Variants in TAFA5 observed in about 807,000 individuals in gnomAD.
TAFA5 encodes TAFA chemokine like family member 5.
TAFA5 carries 6 observed loss-of-function variants against 15.3 expected under a neutral mutation model. The observed-to-expected ratio is 0.39, with a 90% CI of 0.21 to 0.77. The LOEUF (loss-of-function observed/expected upper bound fraction) is 0.77. Ranked by LOEUF, TAFA5 falls within the 30% of genes least tolerant of loss-of-function variation. The pLI is 0.41. For missense variants in TAFA5, 161 were observed against 193.1 expected, an observed-to-expected ratio of 0.83 and a Z score of 0.98; for synonymous variants, 103 against 80.7, an observed-to-expected ratio of 1.28 and a Z score of -1.48.
At chr22:48,703,842 C>T (rs1181341279) in intron 2 of TAFA5, among the ~76,000 whole-genome samples, 1 of 152,226 alleles carries the variant, frequency 6.6e-6, no homozygotes, top group Non-Finnish European at 1.5e-5. Context: ...TGTGCCAACC[C>T]CACTCCTGCT....
At chr22:48,601,000 A>G (rs1924950128) in intron 1 of TAFA5, among the ~76,000 whole-genome samples, 1 of 152,156 alleles carries the variant, frequency 6.6e-6, no homozygotes, top group Non-Finnish European at 1.5e-5. Flanking sequence ...CTCTCCTCAC[A>G]CAGAGCTGAT....
chr22:48,578,928 G>A (rs925028211), intron 1 of TAFA5, among the ~76,000 whole-genome samples: 4 of 152,222 alleles, frequency 2.6e-5, no homozygotes, highest in Admixed American at 6.5e-5. Context: ...CCCAGCAGCC[G>A]CTGTCCAGCA....
chr22:48,542,555 TGTGTGTGTG>T (rs778090403), intron 1 of TAFA5, among the ~76,000 whole-genome samples: 8,741 of 65,848 alleles, frequency 0.13, 523 homozygotes, highest in African/African-American at 0.17. Flanking sequence ...GTGATGTGTA[TGTGTGTGTG>T]GTGTGTGTGG....
chr22:48,542,529 GGTGTGTGGT>G (rs1298650775), intron 1 of TAFA5, among the ~76,000 whole-genome samples: 3 of 92,348 alleles, frequency 3.2e-5, no homozygotes, highest in African/African-American at 1.4e-4. Flanking sequence ...GTGCATGTGT[GGTGTGTGGT>G]GTGTGTGTGA....
intron 1 of TAFA5, among the ~76,000 whole-genome samples, chr22:48,538,497 G>A (rs760707219): frequency 1.3e-5 from 2 of 152,228 alleles, no homozygotes; most frequent in Non-Finnish European, 2.9e-5. Flanking sequence ...TGAGGACCAG[G>A]TGGTGGCCGG....
intron 1 of TAFA5, among the ~76,000 whole-genome samples, chr22:48,584,683 C>T (rs1924265277): frequency 1.4e-5 from 2 of 147,096 alleles, no homozygotes; most frequent in African/African-American, 5.0e-5. Context: ...CACACACATA[C>T]ACCACAAACA....
At position 48,667,570 on chromosome 22, in the gene TAFA5, G is replaced by A. The variant is rs77194199; in HGVS notation, c.262+20824G>A. Among the ~76,000 whole-genome samples, 985 of 152,240 alleles carry A rather than the reference G, an allele frequency of 6.5e-3. 10 individuals carry two copies. The highest frequency in any genetic ancestry group is 0.023 in the African/African-American group (949 of 41,528). ...CTGTTGATATTTATTTATCTCGCGG[G>A]CTTCGCTGGAATCTTGAGGGTCCTT... On this transcript the variant is annotated intron_variant, in intron 2 of 3. Coordinates refer to ENST00000402357, the MANE Select transcript of TAFA5 (RefSeq NM_001082967.3).
intron 2 of TAFA5, among the ~76,000 whole-genome samples, chr22:48,672,414 A>G (rs1291018350): frequency 2.0e-5 from 3 of 152,240 alleles, no homozygotes; most frequent in South Asian, 2.1e-4. Flanking sequence ...GGAAACTTCT[A>G]TTAGCTTTTT....
intron 3 of TAFA5, among the ~76,000 whole-genome samples, chr22:48,744,167 C>T (rs370169531): frequency 1.3e-5 from 2 of 152,082 alleles, no homozygotes; most frequent in African/African-American, 4.8e-5. Flanking sequence ...AAGGGGCTGG[C>T]CCTAAGGACG....
In TAFA5 at chr22:48,560,063, C is replaced by T. The variant is rs1923175774; in HGVS notation, c.112+70359C>T. Among the ~76,000 whole-genome samples the T allele has an allele frequency of 6.6e-6, 1 of 152,212 alleles. No homozygotes were observed. The highest frequency in any genetic ancestry group is 1.5e-5 in the Non-Finnish European group (1 of 68,036). On this transcript the variant is annotated intron_variant, in intron 1 of 3. Coordinates refer to ENST00000402357, the MANE Select transcript of TAFA5 (RefSeq NM_001082967.3). The surrounding 1 kb of genome is among the most constrained non-coding windows in gnomAD (Gnocchi z 4.2). ...CACACGCCGGCCATCCTCCATCAGG[C>T]AGCTGCCCTGGCCACCGATGCCTTC...
intron 3 of TAFA5, among the ~76,000 whole-genome samples, chr22:48,718,510 G>A (rs555404772): frequency 5.9e-5 from 9 of 152,194 alleles, no homozygotes; most frequent in East Asian, 1.9e-4. Flanking sequence ...CCATCCTCCC[G>A]TGCGACCTGT....
At chr22:48,734,056 A>G (rs1201158106) in intron 3 of TAFA5, among the ~76,000 whole-genome samples, 2 of 152,234 alleles carry the variant, frequency 1.3e-5, no homozygotes, top group African/African-American at 2.4e-5. Flanking sequence ...GAGCTACCGT[A>G]CACAAAAACC....
chr22:48,528,449 A>T (rs912486429), intron 1 of TAFA5, among the ~76,000 whole-genome samples: 1 of 152,026 alleles, frequency 6.6e-6, no homozygotes, highest in Non-Finnish European at 1.5e-5. Flanking sequence ...GCACCTCTGC[A>T]CCCTGCACTG....
At chr22:48,540,532 C>T (rs915007632) in intron 1 of TAFA5, among the ~76,000 whole-genome samples, 25 of 151,448 alleles carry the variant, frequency 1.7e-4, no homozygotes, top group African/African-American at 5.6e-4. Context: ...TCCGCCCCGG[C>T]AAAAAGGACC....
chr22:48,592,579 G>T (rs912740822), intron 1 of TAFA5, among the ~76,000 whole-genome samples: 3 of 152,130 alleles, frequency 2.0e-5, no homozygotes, highest in Admixed American at 2.0e-4. Flanking sequence ...GGGCACTGTC[G>T]TTTCTCTTTT....
intron 2 of TAFA5, among the ~76,000 whole-genome samples, chr22:48,662,793 A>G (rs1927490670): frequency 6.6e-6 from 1 of 152,176 alleles, no homozygotes; most frequent in Non-Finnish European, 1.5e-5. Context: ...GCCCTAGGCG[A>G]TGGGCACCCA....
intron 1 of TAFA5, chr22:48,544,438 C>T (rs1300734596): frequency 3.7e-5 from 13 of 348,414 alleles, no homozygotes; most frequent in Non-Finnish European, 6.2e-5. Context: ...TCCGTCAGCC[C>T]GTCCCTCGAG....
chr22:48,749,747 C>G (rs1475250006), intron 3 of TAFA5, 92 bp from the exon 4 acceptor site: 1 of 1,451,776 alleles, frequency 6.9e-7, no homozygotes, highest in Non-Finnish European at 9.5e-7. Flanking sequence ...GGCCGGCTGG[C>G]AGGAGCCGGG....
chr22:48,570,913 C>A (rs1300468439), intron 1 of TAFA5, among the ~76,000 whole-genome samples: 3 of 152,176 alleles, frequency 2.0e-5, no homozygotes, highest in African/African-American at 7.2e-5. Context: ...AGTATGAAGG[C>A]CTAATGTATC....
Sources: allele counts gnomAD v4.1 joint callset (sites outside exome capture counted in the v4.1 genomes callset), GRCh38; gene constraint gnomAD v4.1.1; non-coding constraint Gnocchi (gnomAD v3.1); transcripts MANE v1.5; gene names NCBI Gene and HGNC (gene_info 2026-07-23, HGNC 2026-07-21).